CLNK: variants seen among roughly 807,000 people sequenced by gnomAD.
CLNK encodes cytokine dependent hematopoietic cell linker, also known as cytokine-dependent hematopoietic cell linker.
In CLNK, 74 loss-of-function variants were observed where a neutral mutation model predicts 68.6. The ratio of observed to expected loss-of-function variants is 1.08; its 90% confidence interval spans 0.89 to 1.31. The LOEUF (loss-of-function observed/expected upper bound fraction) is 1.31. Ranked by LOEUF, CLNK falls within the 50% of genes most tolerant of loss-of-function variation. The pLI, the probability that CLNK is intolerant of heterozygous loss-of-function variation, is 0.00. For missense variants in CLNK, 553 were observed against 515.3 expected (o/e 1.07, Z -0.71); for synonymous variants, 198 against 172.2 (o/e 1.15, Z -1.17).
chr4:10,614,353 CCCTTAAGT>C (rs1722144381), intron 2 of CLNK, among the ~76,000 whole-genome samples: 1 of 152,032 alleles, frequency 6.6e-6, no homozygotes, highest in Non-Finnish European at 1.5e-5. Flanking sequence ...AGCCCTGGTT[CCCTTAAGT>C]AAGGCTGAGT....
the CLNK span, among the ~76,000 whole-genome samples, chr4:10,700,733 A>G: frequency 6.6e-6 from 1 of 152,164 alleles, no homozygotes; most frequent in Non-Finnish European, 1.5e-5. Flanking sequence ...GCTAACAAGC[A>G]TGGGTGGGGA....
At chr4:10,683,771 T>C (rs1252782236) in intron 1 of CLNK, among the ~76,000 whole-genome samples, 1 of 152,178 alleles carries the variant, frequency 6.6e-6, no homozygotes, top group Non-Finnish European at 1.5e-5. Flanking sequence ...GTCTTCTTGA[T>C]ATTTGAAATG....
the CLNK span, among the ~76,000 whole-genome samples, chr4:10,728,284 C>G: frequency 6.6e-6 from 1 of 152,096 alleles, no homozygotes; most frequent in Non-Finnish European, 1.5e-5. Flanking sequence ...ATTTGCCAAA[C>G]GTTTTTAGAA....
the CLNK span, among the ~76,000 whole-genome samples, chr4:10,728,691 C>G: frequency 6.6e-6 from 1 of 150,376 alleles, no homozygotes; most frequent in Non-Finnish European, 1.5e-5. Context: ...CGGGTTCACA[C>G]TGTTCTCCTG....
chr4:10,610,371 T>C (rs538893395), intron 2 of CLNK, among the ~76,000 whole-genome samples: 120 of 151,306 alleles, frequency 7.9e-4, no homozygotes, highest in Non-Finnish European at 1.5e-3. Context: ...TTTAATCTTC[T>C]TGGGGAGAGA....
At chr4:10,650,068 AAAAT>A (rs1206954180) in intron 2 of CLNK, among the ~76,000 whole-genome samples, 1 of 152,196 alleles carries the variant, frequency 6.6e-6, no homozygotes, top group Non-Finnish European at 1.5e-5. Context: ...TTTCATATAA[AAAAT>A]AAAAATGAGA....
chr4:10,518,797 T>C (rs375981899), intron 15 of CLNK, among the ~76,000 whole-genome samples: 14 of 152,358 alleles, frequency 9.2e-5, no homozygotes, highest in African/African-American at 2.4e-4. Flanking sequence ...GAGGTGTAAA[T>C]TTCACTCTGC....
intron 2 of CLNK, among the ~76,000 whole-genome samples, chr4:10,664,065 T>C (rs1354130067): frequency 6.6e-6 from 1 of 152,182 alleles, no homozygotes; most frequent in Non-Finnish European, 1.5e-5. Context: ...TATTTTGTTA[T>C]AGCCACCCGA....
chr4:10,665,956 C>T (rs1289334714), intron 2 of CLNK, among the ~76,000 whole-genome samples: 4 of 152,138 alleles, frequency 2.6e-5, no homozygotes, highest in Non-Finnish European at 5.9e-5. Context: ...TCTGACTATC[C>T]AGGTGACCCC....
At chr4:10,609,636 G>A (rs1577165073) in intron 2 of CLNK, among the ~76,000 whole-genome samples, 1 of 152,206 alleles carries the variant, frequency 6.6e-6, no homozygotes, top group South Asian at 2.1e-4. Flanking sequence ...AATGCCTCAA[G>A]GGAATAACTA....
chr4:10,507,921 A>T (rs1355902748), intron 17 of CLNK, 38 bp downstream of exon 17: 1 of 1,485,594 alleles, frequency 6.7e-7, no homozygotes, highest in Admixed American at 2.0e-5. Context: ...TAAGATGCCT[A>T]TAGAAACAAT....
At chr4:10,528,138 CAG>C in intron 12 of CLNK, 44 bp from the exon 13 acceptor site, 1 of 1,069,656 alleles carries the variant, frequency 9.3e-7, no homozygotes, top group Non-Finnish European at 1.2e-6. Context: ...CTCTTGATGA[CAG>C]AGAATTTAAT....
chr4:10,649,712 T>G (rs939720175), intron 2 of CLNK, among the ~76,000 whole-genome samples: 1 of 152,116 alleles, frequency 6.6e-6, no homozygotes, highest in Admixed American at 6.6e-5. Context: ...CCAGCCTAGA[T>G]TGTCTAGAAA....
At chr4:10,583,539 C>G (rs370603693) in intron 4 of CLNK, among the ~76,000 whole-genome samples, 2 of 152,166 alleles carry the variant, frequency 1.3e-5, no homozygotes, top group African/African-American at 4.8e-5. Context: ...CCTGCTTTGG[C>G]CTCCCAAAGT....
At chr4:10,490,768 T>C (rs149519969) in intron 18 of CLNK, among the ~76,000 whole-genome samples, 155 bp from the exon 19 acceptor site, 98 of 151,720 alleles carry the variant, frequency 6.5e-4, no homozygotes, top group Non-Finnish European at 8.8e-4. Flanking sequence ...GTTTTTGGTT[T>C]GTTTGTTTTT....
intron 18 of CLNK, among the ~76,000 whole-genome samples, chr4:10,500,072 A>G (rs1201744175): frequency 6.6e-6 from 1 of 152,190 alleles, no homozygotes; most frequent in Non-Finnish European, 1.5e-5. Flanking sequence ...AGACCTGGAG[A>G]TGTTAAACAG....
At chr4:10,691,712 G>A in the CLNK span, among the ~76,000 whole-genome samples, 7 of 152,296 alleles carry the variant, frequency 4.6e-5, no homozygotes, top group East Asian at 1.4e-3. Flanking sequence ...CTGTGCAGAG[G>A]CTAAATTGTT....
At chr4:10,565,954 A>C in intron 6 of CLNK, 55 bp downstream of exon 6, 1 of 1,577,424 alleles carries the variant, frequency 6.3e-7, no homozygotes, top group Non-Finnish European at 8.6e-7. Flanking sequence ...AATAGTGTGC[A>C]ATATGGTGGC....
chr4:10,606,347 A>C (rs924183777), intron 2 of CLNK, among the ~76,000 whole-genome samples: 1 of 152,144 alleles, frequency 6.6e-6, no homozygotes, highest in Non-Finnish European at 1.5e-5. Flanking sequence ...AATGACACGC[A>C]TGGAGTTGTC....
Sources: gnomAD v4.1 joint callset for allele counts (sites outside exome capture counted in the v4.1 genomes callset) on GRCh38, gnomAD v4.1.1 for gene constraint, MANE v1.5 for transcripts, NCBI Gene and HGNC (gene_info 2026-07-23, HGNC 2026-07-21) for gene names.